PRKD1: variants seen among roughly 807,000 people sequenced by gnomAD.
The protein encoded by PRKD1 is protein kinase D1.
PRKD1 carries 63 observed loss-of-function variants against 95.9 expected under a neutral mutation model. The observed-to-expected ratio is 0.66, with a 90% CI of 0.54 to 0.81. The LOEUF is 0.81. Among genes scored for constraint, PRKD1 ranks in the 30% least tolerant of loss-of-function variants. The pLI, the probability that PRKD1 is intolerant of heterozygous loss-of-function variation, is 0.00. For synonymous variants in PRKD1, 425 were observed against 423.1 expected, an observed-to-expected ratio of 1.00 and a Z score of -0.05; for missense variants, 1,048 against 1,165.3, an observed-to-expected ratio of 0.90 and a Z score of 1.47.
rs553921526 is a variant in PRKD1, at chr14:29,804,218, G to C, written c.265-78544C>G. Among the ~76,000 whole-genome samples, 9 of 149,444 alleles carry C rather than the reference G, an allele frequency of 6.0e-5. No individual in the cohort carries two copies. In the East Asian group the frequency reaches 1.8e-3, roughly 29 times the overall value. The stretch of plus-strand genomic sequence containing the variant: ...GATCAGGCCATTATACTCCAGTATG[G>C]GCAACAAGAACGAAACTAAAAAAAA... On this transcript the variant is annotated intron_variant, in intron 1 of 17. Coordinates refer to ENST00000331968, the MANE Select transcript of PRKD1 (RefSeq NM_002742.3).
chr14:29,756,218 A>T (rs1201271809), intron 1 of PRKD1, among the ~76,000 whole-genome samples: 3 of 152,184 alleles, frequency 2.0e-5, no homozygotes, highest in Non-Finnish European at 4.4e-5. Flanking sequence ...AAAGTGACAC[A>T]AACTGAATTT....
At chr14:29,840,285 T>G (rs1234433181) in intron 1 of PRKD1, among the ~76,000 whole-genome samples, 1 of 152,194 alleles carries the variant, frequency 6.6e-6, no homozygotes, top group Non-Finnish European at 1.5e-5. Flanking sequence ...TCAGTCTCTT[T>G]CCTAAAACAT....
At chr14:29,860,713 A>G (rs1398428504) in intron 1 of PRKD1, among the ~76,000 whole-genome samples, 2 of 152,248 alleles carry the variant, frequency 1.3e-5, no homozygotes, top group Non-Finnish European at 2.9e-5. Flanking sequence ...AACATGTACA[A>G]TTTAGGAACT....
chr14:29,843,089 A>C (rs1015321019), intron 1 of PRKD1, among the ~76,000 whole-genome samples: 3 of 152,218 alleles, frequency 2.0e-5, no homozygotes, highest in African/African-American at 7.2e-5. Context: ...AGTACCTCAG[A>C]ATGTGACTGT....
intron 1 of PRKD1, among the ~76,000 whole-genome samples, chr14:29,813,720 A>T (rs906179822): frequency 6.6e-6 from 1 of 152,196 alleles, no homozygotes; most frequent in African/African-American, 2.4e-5. Flanking sequence ...CAACAATGTC[A>T]GCATGCTTGC....
At chr14:29,659,759 T>G (rs1255611137) in intron 4 of PRKD1, among the ~76,000 whole-genome samples, 2 of 152,206 alleles carry the variant, frequency 1.3e-5, no homozygotes, top group Non-Finnish European at 2.9e-5. Context: ...TATCTTGTAA[T>G]GTGCTGGTTA....
chr14:29,737,328 C>CAAG (rs1886774935), intron 1 of PRKD1, among the ~76,000 whole-genome samples: 1 of 37,908 alleles, frequency 2.6e-5, no homozygotes, highest in Non-Finnish European at 4.7e-5. Flanking sequence ...GACTCCGTCT[C>CAAG]AAAAAAAAAA....
chr14:29,903,207 G>A (rs1047809822), intron 1 of PRKD1, among the ~76,000 whole-genome samples: 1 of 152,194 alleles, frequency 6.6e-6, no homozygotes, highest in African/African-American at 2.4e-5. Flanking sequence ...AACAAATAAT[G>A]TATTGGCCTT....
intron 11 of PRKD1, among the ~76,000 whole-genome samples, chr14:29,627,816 T>C (rs1879723848): frequency 6.6e-6 from 1 of 152,200 alleles, no homozygotes; most frequent in Non-Finnish European, 1.5e-5. Context: ...CTGTGATTCT[T>C]CAAAGTCCCC....
chr14:29,709,322 A>G (rs1245884854), intron 2 of PRKD1, among the ~76,000 whole-genome samples: 1 of 152,222 alleles, frequency 6.6e-6, no homozygotes, highest in Admixed American at 6.5e-5. Flanking sequence ...TAATCATACC[A>G]GAATTCCAAT....
intron 7 of PRKD1, among the ~76,000 whole-genome samples, chr14:29,634,804 C>A (rs531643040): frequency 6.6e-6 from 1 of 151,884 alleles, no homozygotes; most frequent in Non-Finnish European, 1.5e-5. Flanking sequence ...GAGGCCGAGG[C>A]GGGTGGATCA....
intron 2 of PRKD1, among the ~76,000 whole-genome samples, chr14:29,709,136 T>C (rs563683617): frequency 3.9e-5 from 6 of 152,180 alleles, no homozygotes; most frequent in Non-Finnish European, 7.3e-5. Context: ...AGATTAGTTA[T>C]GGAATAAAGT....
chr14:29,867,021 A>T (rs991338725), intron 1 of PRKD1, among the ~76,000 whole-genome samples: 1 of 152,102 alleles, frequency 6.6e-6, no homozygotes, highest in Admixed American at 6.6e-5. Flanking sequence ...TGTTCTAAGA[A>T]CTGCTGGACA....
At chr14:29,650,716 T>A (rs1566514004) in intron 4 of PRKD1, among the ~76,000 whole-genome samples, 1 of 152,196 alleles carries the variant, frequency 6.6e-6, no homozygotes, top group Non-Finnish European at 1.5e-5. Flanking sequence ...AAGCAAGAAC[T>A]AAAGCAGTTA....
chr14:29,593,965 C>A, intron 16 of PRKD1: 1 of 296,138 alleles, frequency 3.4e-6, no homozygotes, highest in Non-Finnish European at 6.7e-6. Flanking sequence ...TGGTATACAA[C>A]AATGTATAGT....
chr14:29,828,203 C>T (rs1431175197), intron 1 of PRKD1, among the ~76,000 whole-genome samples: 3 of 152,100 alleles, frequency 2.0e-5, no homozygotes, highest in Non-Finnish European at 4.4e-5. Context: ...GCTCATGGTT[C>T]TGCAGGCTGT....
chr14:29,861,519 A>G (rs1892708289), intron 1 of PRKD1, among the ~76,000 whole-genome samples: 1 of 152,224 alleles, frequency 6.6e-6, no homozygotes, highest in Non-Finnish European at 1.5e-5. Context: ...AAAATGGGGT[A>G]TCCATCCCCT....
chr14:29,757,838 A>T (rs960235380), intron 1 of PRKD1, among the ~76,000 whole-genome samples: 1 of 152,028 alleles, frequency 6.6e-6, no homozygotes, highest in Non-Finnish European at 1.5e-5. Flanking sequence ...TGCCAAAGTC[A>T]GAGCCAGTAG....
At chr14:29,827,800 A>G (rs1457642055) in intron 1 of PRKD1, among the ~76,000 whole-genome samples, 1 of 152,138 alleles carries the variant, frequency 6.6e-6, no homozygotes, top group East Asian at 1.9e-4. Flanking sequence ...TGGAGGCAAA[A>G]AGAGTAGAAT....
Sources: allele counts gnomAD v4.1 joint callset (sites outside exome capture counted in the v4.1 genomes callset), GRCh38; gene constraint gnomAD v4.1.1; transcripts MANE v1.5; gene names NCBI Gene and HGNC (gene_info 2026-07-23, HGNC 2026-07-21).